COQ5: variants seen among roughly 807,000 people sequenced by gnomAD.
COQ5 encodes coenzyme Q5, methyltransferase.
In COQ5, 27 loss-of-function variants were observed where a neutral mutation model predicts 40.5. That is an observed-to-expected ratio of 0.67 (90% CI 0.49 to 0.92). The LOEUF (loss-of-function observed/expected upper bound fraction) is 0.92. Ranked by LOEUF, COQ5 falls within the 40% of genes least tolerant of loss-of-function variation. The pLI is 0.00. For synonymous variants in COQ5, 141 were observed against 150.0 expected (o/e 0.94, Z 0.44); for missense variants, 409 against 406.4 (o/e 1.01, Z -0.06).
rs1373607644 is a variant in COQ5, at chr12:120,528,921, G to A, written c.202+19C>T. 6.2e-7 allele frequency: 1 copy of A among 1,610,342 alleles called. No homozygotes were observed. The highest frequency in any genetic ancestry group is 1.7e-5 in the Admixed American group (1 of 59,982). On this transcript the variant is annotated intron_variant, in intron 1 of 6. Transcript: ENST00000288532. ...ATGGACGGTCAGATCCCTCCCATCC[G>A]CCCTCTCGCCCCTTTCACCTTTGCC...
chr12:120,514,145 T>C (rs1869270517), intron 3 of COQ5, among the ~76,000 whole-genome samples: 1 of 152,110 alleles, frequency 6.6e-6, no homozygotes, highest in Non-Finnish European at 1.5e-5. Flanking sequence ...TAAGGAAACA[T>C]AGTGCCTTTG....
Position 120,503,342 on chromosome 12 carries a change from G to A in COQ5, c.*442C>T. 2.8e-6 allele frequency: 1 copy of A among 352,644 alleles called. No individual in the cohort carries two copies. Among genetic ancestry groups the A allele is most frequent in the Non-Finnish European group, 5.6e-6 (1 of 179,044 alleles). 21.8% of individuals were successfully genotyped at this position (352,644 alleles called of 1,614,324 possible). A position where few individuals can be genotyped will look rare whatever the true frequency, so the allele number is the denominator to read the frequency against. On this transcript the variant is annotated 3_prime_UTR_variant, in exon 7 of 7. Coordinates refer to ENST00000288532, the MANE Select transcript of COQ5 (RefSeq NM_032314.4). ...CTCATGATCATTAATACTCTGACTT[G>A]GGCCTAGACTTCGTCCTAGGCTGAA...
intron 1 of COQ5, among the ~76,000 whole-genome samples, chr12:120,525,695 C>A (rs377471951): frequency 6.6e-6 from 1 of 151,884 alleles, no homozygotes; most frequent in Non-Finnish European, 1.5e-5. Flanking sequence ...GAGGCTGAGG[C>A]GGGGGGATCA....
chr12:120,521,060 C>A (rs1471754653), intron 2 of COQ5, among the ~76,000 whole-genome samples: 1 of 147,450 alleles, frequency 6.8e-6, no homozygotes, highest in African/African-American at 2.5e-5. Flanking sequence ...CTTTGTAATC[C>A]TGCGTTTTTT....
intron 4 of COQ5, among the ~76,000 whole-genome samples, chr12:120,506,591 T>A (rs1868892071): frequency 6.6e-6 from 1 of 152,084 alleles, no homozygotes; most frequent in Admixed American, 6.5e-5. Flanking sequence ...GGTCTTGAAC[T>A]AGAGACTTCA....
intron 5 of COQ5, among the ~76,000 whole-genome samples, chr12:120,504,408 A>ATTTTTTTT (rs33973905): frequency 9.0e-6 from 1 of 111,064 alleles, no homozygotes; most frequent in African/African-American, 3.3e-5. Flanking sequence ...CCTGATTTAA[A>ATTTTTTTT]TTTTTTTTTT....
At chr12:120,504,866 G>A in intron 5 of COQ5, 29 bp downstream of exon 5, 2 of 1,564,580 alleles carry the variant, frequency 1.3e-6, no homozygotes, top group Non-Finnish European at 1.8e-6. Flanking sequence ...GCTATACAAT[G>A]AAGATAAAGC....
At chr12:120,524,417 C>T (rs905338986) in intron 1 of COQ5, among the ~76,000 whole-genome samples, 44 of 151,446 alleles carry the variant, frequency 2.9e-4, no homozygotes, top group South Asian at 2.1e-4. Flanking sequence ...CTCGCCACCA[C>T]GCCCAGCTAA....
chr12:120,528,852 A>G, intron 1 of COQ5, 88 bp downstream of exon 1: 1 of 1,214,770 alleles, frequency 8.2e-7, no homozygotes, highest in Non-Finnish European at 1.2e-6. Context: ...ACTGGAACTA[A>G]TTGGATGTTA....
chr12:120,526,313 A>C (rs1473853403), intron 1 of COQ5: 1 of 361,380 alleles, frequency 2.8e-6, no homozygotes, highest in Non-Finnish European at 5.5e-6. Flanking sequence ...CAAAAATGAA[A>C]ATGCTGATAA....
intron 3 of COQ5, among the ~76,000 whole-genome samples, chr12:120,510,999 G>A (rs779559816): frequency 2.7e-4 from 41 of 152,162 alleles, no homozygotes; most frequent in Non-Finnish European, 5.6e-4. Flanking sequence ...GGCCAGGTGC[G>A]GTGGCTCACG....
chr12:120,528,577 G>A (rs1373927654), intron 1 of COQ5, among the ~76,000 whole-genome samples: 4 of 152,122 alleles, frequency 2.6e-5, no homozygotes, highest in African/African-American at 7.2e-5. Flanking sequence ...TTGGGAGGCC[G>A]AGGCAGGCGA....
intron 4 of COQ5, 45 bp downstream of exon 4, chr12:120,509,972 T>C: frequency 7.0e-7 from 1 of 1,431,374 alleles, no homozygotes; most frequent in Non-Finnish European, 9.9e-7. Context: ...ACAACAGAGG[T>C]AATTTCCTGA....
At chr12:120,520,097 A>C (rs1039157073) in intron 2 of COQ5, among the ~76,000 whole-genome samples, 1 of 151,552 alleles carries the variant, frequency 6.6e-6, no homozygotes, top group African/African-American at 2.4e-5. Flanking sequence ...TAATTATCAA[A>C]TTATTACATT....
chr12:120,511,891 A>T (rs1037713957), intron 3 of COQ5, among the ~76,000 whole-genome samples: 1 of 152,218 alleles, frequency 6.6e-6, no homozygotes, highest in African/African-American at 2.4e-5. Flanking sequence ...GAATCATGAA[A>T]CATCCATATG....
intron 3 of COQ5, among the ~76,000 whole-genome samples, chr12:120,515,473 T>C (rs1423622273): frequency 1.3e-5 from 2 of 152,260 alleles, no homozygotes; most frequent in Admixed American, 6.5e-5. Context: ...GTCATCTGCC[T>C]ATCTGCTGTT....
rs553976941 is a variant in COQ5 at position 120,507,293 on chromosome 12, T to C, written c.682-2310A>G. 2.0e-5 allele frequency among the ~76,000 whole-genome samples: 3 copies of C among 151,734 alleles called. No homozygotes were observed. The South Asian group carries it at 6.2e-4, about 32-fold the overall frequency. On this transcript the variant is annotated intron_variant, in intron 4 of 6. Transcript: ENST00000288532. ...AAATGGAATCTATTCAACTTATTTT[T>C]TTTTTTTTTGAGACGGAGTCTCGTT...
intron 1 of COQ5, among the ~76,000 whole-genome samples, chr12:120,528,682 T>C (rs574275786): frequency 6.6e-6 from 1 of 151,828 alleles, no homozygotes; most frequent in East Asian, 1.9e-4. Context: ...CGGGCGCCTG[T>C]AATCCCAGCT....
rs148296251 is a variant in COQ5 at position 120,519,806 on chromosome 12, G to A, written c.352+2408C>T. ...AATCGCTTGAACCTAGGAGGCAGAG[G>A]TTGCGGTGAGCCGAAATTGTGCCAT... On this transcript the variant is annotated intron_variant, in intron 2 of 6. Transcript: ENST00000288532. Among the ~76,000 whole-genome samples the A allele has an allele frequency of 6.9e-3, 1,046 of 150,874 alleles. 11 individuals carry two copies. The highest frequency in any genetic ancestry group is 0.023 in the African/African-American group (964 of 41,066).
Sources: gnomAD v4.1 joint callset for allele counts (sites outside exome capture counted in the v4.1 genomes callset) on GRCh38, gnomAD v4.1.1 for gene constraint, MANE v1.5 for transcripts, NCBI Gene and HGNC (gene_info 2026-07-23, HGNC 2026-07-21) for gene names.